The following ARL15 variants were observed in gnomAD, a reference collection of about 807,000 sequenced individuals.
ARL15 encodes ARF like GTPase 15.
Under a neutral mutation model 25.2 loss-of-function variants are expected in ARL15, and 19 were observed. That is an observed-to-expected ratio of 0.75 (90% confidence interval 0.53 to 1.10). The LOEUF is 1.10. Ranked by LOEUF, ARL15 falls within the 50% of genes least tolerant of loss-of-function variation. The pLI is 0.00. For missense variants in ARL15, 220 were observed against 246.0 expected (o/e 0.89, Z 0.71); for synonymous variants, 94 against 86.8 (o/e 1.08, Z -0.46).
At chr5:54,298,885 G>GT (rs1758539470) in intron 1 of ARL15, among the ~76,000 whole-genome samples, 1 of 62,492 alleles carries the variant, frequency 1.6e-5, no homozygotes, top group Admixed American at 1.4e-4. Flanking sequence ...GTTGCTGTTG[G>GT]TTTTTTGGTT....
chr5:53,989,306 A>C (rs1214688184), intron 4 of ARL15, among the ~76,000 whole-genome samples: 2 of 152,218 alleles, frequency 1.3e-5, no homozygotes, highest in Non-Finnish European at 2.9e-5. Context: ...ATGTTATTCT[A>C]TGATCGTGTG....
At chr5:54,099,989 A>G (rs778549438) in intron 4 of ARL15, among the ~76,000 whole-genome samples, 13 of 150,054 alleles carry the variant, frequency 8.7e-5, no homozygotes, top group Non-Finnish European at 1.6e-4. Flanking sequence ...AAACCTGGGT[A>G]TATCCTGTGA....
Position 53,914,446 on chromosome 5 carries a change from C to A in ARL15, c.463-27733G>T, listed in dbSNP as rs182367834. 4.7e-4 allele frequency among the ~76,000 whole-genome samples: 72 copies of A among 152,300 alleles called. 1 individual carries two copies. The highest frequency in any genetic ancestry group is 1.5e-3 in the African/African-American group (64 of 41,566). ...CTTATCCACCTGATGCATTCTGGAACCTCCTTCCCTTCCCCTGTCACTTCC... is the reference window on the plus strand; with the variant it reads ...CTTATCCACCTGATGCATTCTGGAAACTCCTTCCCTTCCCCTGTCACTTCC... On this transcript the variant is annotated intron_variant, in intron 4 of 4. Coordinates refer to ENST00000504924, the MANE Select transcript of ARL15 (RefSeq NM_019087.3).
chr5:53,996,251 G>T (rs561605860), intron 4 of ARL15, among the ~76,000 whole-genome samples: 1 of 152,334 alleles, frequency 6.6e-6, no homozygotes, highest in South Asian at 2.1e-4. Context: ...TGACATTTAT[G>T]AGGGGAGCCT....
chr5:54,214,463 T>G (rs1203825245), intron 1 of ARL15, among the ~76,000 whole-genome samples: 2 of 152,200 alleles, frequency 1.3e-5, no homozygotes, highest in African/African-American at 4.8e-5. Context: ...CATATTGTCC[T>G]CTGTGGCCAT....
chr5:54,038,001 A>T (rs1275959316), intron 4 of ARL15, among the ~76,000 whole-genome samples: 1 of 152,106 alleles, frequency 6.6e-6, no homozygotes, highest in Non-Finnish European at 1.5e-5. Context: ...TTTATTTAGT[A>T]ATCATTTTAA....
chr5:53,954,587 A>G (rs1039535378), intron 4 of ARL15, among the ~76,000 whole-genome samples: 2 of 152,172 alleles, frequency 1.3e-5, no homozygotes, highest in South Asian at 4.1e-4. Flanking sequence ...TAACCTGAAA[A>G]GTGAGTAGAA....
chr5:54,286,182 C>T (rs539438897), intron 1 of ARL15: 7 of 152,084 alleles, frequency 4.6e-5, no homozygotes, highest in South Asian at 2.1e-4. Flanking sequence ...GCATTTTGCT[C>T]CTCAGCATAT....
chr5:54,131,775 A>G (rs990982416), intron 3 of ARL15, among the ~76,000 whole-genome samples: 1 of 152,062 alleles, frequency 6.6e-6, no homozygotes, highest in Non-Finnish European at 1.5e-5. Context: ...TATTGTTTTT[A>G]AAATTCTAGC....
Position 54,283,446 on chromosome 5 carries a change from G to T in ARL15, c.48+26986C>A, listed in dbSNP as rs188800699. On this transcript the variant is annotated intron_variant, in intron 1 of 4. Coordinates refer to ENST00000504924, the MANE Select transcript of ARL15 (RefSeq NM_019087.3). The stretch of plus-strand genomic sequence containing the variant: ...TCAATCTAAACTTTCAAATATCAAC[G>T]GTGCTATTGTTCAAAACAAATGGCT... 1.4e-3 allele frequency among the ~76,000 whole-genome samples: 160 copies of T among 118,442 alleles called. 2 individuals are homozygous for T. Among genetic ancestry groups the T allele is most frequent in the African/African-American group, 6.1e-3 (156 of 25,716 alleles). 77.7% of individuals were successfully genotyped at this position (118,442 alleles called of 152,430 possible).
intron 3 of ARL15, among the ~76,000 whole-genome samples, chr5:54,118,852 A>G (rs980897877): frequency 1.3e-5 from 2 of 152,196 alleles, no homozygotes; most frequent in Non-Finnish European, 2.9e-5. Context: ...ATTCCAAGGT[A>G]GGTGGTCCTC....
intron 4 of ARL15, among the ~76,000 whole-genome samples, chr5:53,960,848 A>T (rs1747341243): frequency 6.6e-6 from 1 of 152,194 alleles, no homozygotes; most frequent in South Asian, 2.1e-4. Flanking sequence ...ATATTAAAAG[A>T]TAACAGGTCA....
intron 2 of ARL15, among the ~76,000 whole-genome samples, chr5:54,158,956 A>C (rs892411600): frequency 3.9e-5 from 6 of 152,172 alleles, no homozygotes; most frequent in African/African-American, 1.4e-4. Flanking sequence ...TGTCTCCTCC[A>C]TATACCAACA....
At chr5:54,182,750 T>C (rs1755098207) in intron 1 of ARL15, among the ~76,000 whole-genome samples, 1 of 152,186 alleles carries the variant, frequency 6.6e-6, no homozygotes, top group South Asian at 2.1e-4. Context: ...AGTATGGCTA[T>C]TTTCATGATA....
chr5:53,992,190 T>G (rs1421305634), intron 4 of ARL15, among the ~76,000 whole-genome samples: 1 of 152,198 alleles, frequency 6.6e-6, no homozygotes, highest in Non-Finnish European at 1.5e-5. Context: ...AGTAATGCAC[T>G]GGGTACTTGA....
At chr5:53,946,953 G>A (rs1746755601) in intron 4 of ARL15, among the ~76,000 whole-genome samples, 1 of 152,228 alleles carries the variant, frequency 6.6e-6, no homozygotes, top group South Asian at 2.1e-4. Context: ...AAAGCTGTAT[G>A]TAGGAGTCTA....
At chr5:54,290,696 C>T (rs1758301035) in intron 1 of ARL15, among the ~76,000 whole-genome samples, 1 of 152,116 alleles carries the variant, frequency 6.6e-6, no homozygotes, top group Non-Finnish European at 1.5e-5. Flanking sequence ...GTCCATTAGG[C>T]ACTTGGAAGC....
At chr5:54,217,200 CTTTT>C (rs59849804) in intron 1 of ARL15, among the ~76,000 whole-genome samples, 2 of 145,220 alleles carry the variant, frequency 1.4e-5, no homozygotes, top group Non-Finnish European at 1.5e-5. Context: ...CAATGCTTTT[CTTTT>C]TTTTTTTTTT....
intron 4 of ARL15, among the ~76,000 whole-genome samples, chr5:53,887,878 T>G (rs1580050536): frequency 1.3e-5 from 2 of 152,216 alleles, no homozygotes; most frequent in African/African-American, 4.8e-5. Context: ...GACTACTGTT[T>G]GTTGACAGTA....
Sources: gnomAD v4.1 joint callset for allele counts (sites outside exome capture counted in the v4.1 genomes callset) on GRCh38, gnomAD v4.1.1 for gene constraint, MANE v1.5 for transcripts, NCBI Gene and HGNC (gene_info 2026-07-23, HGNC 2026-07-21) for gene names.